CREBBP: variants seen among roughly 807,000 people sequenced by gnomAD.
The protein encoded by CREBBP is CREB binding lysine acetyltransferase.
A neutral mutation model predicts 265.0 loss-of-function variants in CREBBP; 19 were observed. The ratio of observed to expected loss-of-function variants is 0.07; its 90% CI spans 0.05 to 0.11. The LOEUF is 0.11. CREBBP is among the 10% of genes least tolerant of loss of function. The probability of loss-of-function intolerance (pLI) is 1.00; values close to 1 mark genes in which losing one functional copy is unlikely to be tolerated. For missense variants in CREBBP, 2,525 were observed against 3,219.0 expected, an observed-to-expected ratio of 0.78 and a Z score of 5.22; for synonymous variants, 1,457 against 1,223.7, an observed-to-expected ratio of 1.19 and a Z score of -3.98.
rs747407307 is a variant in CREBBP, at chr16:3,757,852, A to G, written c.3566T>C (p.Ile1189Thr). The G allele has an allele frequency of 1.2e-6, 2 of 1,614,160 alleles. No individual in the cohort carries two copies. Among genetic ancestry groups the G allele is most frequent in the Admixed American group, 3.3e-5 (2 of 60,024 alleles). Residue 1189 changes from isoleucine (I) to threonine (T), a missense_variant, in exon 18 of 31, where the codon ATT becomes ACT. Ile to Thr is a moderately conservative substitution (Grantham distance 89). Transcript: ENST00000262367. ...TCCAAGGGACTGCATGACAGGGTCAATTTCCTGCTCAAAGACCTCTGCAAG... is the reference window on the plus strand; with the variant it reads ...TCCAAGGGACTGCATGACAGGGTCAGTTTCCTGCTCAAAGACCTCTGCAAG... ...SKLAEVFEQE[I>T]DPVMQSLGYC...
intron 6 of CREBBP, 31 bp downstream of exon 6, chr16:3,782,653 T>A (rs778686071): frequency 4.3e-6 from 7 of 1,612,986 alleles, no homozygotes; most frequent in South Asian, 3.3e-5. Flanking sequence ...TGTGGACAAG[T>A]AAGAACGAAG....
intron 1 of CREBBP, among the ~76,000 whole-genome samples, chr16:3,853,852 G>C (rs574365460): frequency 4.1e-4 from 62 of 152,116 alleles, no homozygotes; most frequent in African/African-American, 1.4e-3. Flanking sequence ...CAGGAGAGTC[G>C]CTTGAACCTG....
chr16:3,747,908 T>A (rs13334719), intron 21 of CREBBP, among the ~76,000 whole-genome samples: 22,530 of 151,948 alleles, frequency 0.15, 2,377 homozygotes, highest in African/African-American at 0.29. Context: ...GCTAACATGG[T>A]GAAACCCCGT....
intron 1 of CREBBP, among the ~76,000 whole-genome samples, chr16:3,877,697 G>A (rs915365068): frequency 6.6e-6 from 1 of 152,226 alleles, no homozygotes; most frequent in Non-Finnish European, 1.5e-5. Context: ...GAGCCATGGC[G>A]CCCAGCAGCC....
rs1370704436 is a variant in CREBBP at position 3,729,270 on chromosome 16, C to G, written c.5777G>C (p.Arg1926Pro). ...MSPAGFPSVA[R>P]TQPPTTVSTG... ...GGACACCGTGGTGGGGGGCTGAGTC[C>G]GGGCCACGCTGGGGAAGCCAGCTGG... Residue 1926 changes from arginine (R) to proline (P), a missense_variant, in exon 31 of 31, where the codon CGG (arginine) becomes CCG (proline). By Grantham distance (103) the Arg-to-Pro change is moderately radical. Transcript: ENST00000262367. 6.5e-7 allele frequency: 1 copy of G among 1,529,500 alleles called. No individual in the cohort carries two copies. The highest frequency in any genetic ancestry group is 8.8e-7 in the Non-Finnish European group (1 of 1,142,628). 94.7% of individuals were successfully genotyped at this position (1,529,500 alleles called of 1,614,324 possible).
In CREBBP at chr16:3,799,889, A is replaced by C. The variant is rs552789111; in HGVS notation, c.976-6263T>G. ...ATAAGGCAGACCTTTATGCTTTAAC[A>C]AAAAGCTGTTTAAGTGACTACTATT... On this transcript the variant is annotated intron_variant, in intron 3 of 30. Coordinates refer to ENST00000262367, the MANE Select transcript of CREBBP (RefSeq NM_004380.3). Among the ~76,000 whole-genome samples the C allele has an allele frequency of 1.6e-4, 24 of 152,354 alleles. 1 individual carries two copies. The South Asian group carries it at 5.0e-3, about 32-fold the overall frequency.
At chr16:3,845,115 G>A (rs944408595) in intron 2 of CREBBP, among the ~76,000 whole-genome samples, 3 of 152,056 alleles carry the variant, frequency 2.0e-5, no homozygotes, top group African/African-American at 4.8e-5. Flanking sequence ...CTAACACAGT[G>A]GGGTTCTCAA....
chr16:3,766,897 ATTTCTAAGAGTAT>A (rs920233641), intron 16 of CREBBP, among the ~76,000 whole-genome samples: 5 of 152,000 alleles, frequency 3.3e-5, no homozygotes, highest in Non-Finnish European at 5.9e-5. Flanking sequence ...GGGGCCCTCA[ATTTCTAAGAGTAT>A]AAAGAGCCCT....
At chr16:3,814,066 T>C (rs1231021100) in intron 2 of CREBBP, among the ~76,000 whole-genome samples, 2 of 152,190 alleles carry the variant, frequency 1.3e-5, no homozygotes, top group Non-Finnish European at 2.9e-5. Context: ...TTTTGACAAT[T>C]TTCCTAAGAT....
intron 5 of CREBBP, chr16:3,791,229 G>A (rs2053500292): frequency 6.6e-6 from 1 of 152,658 alleles, no homozygotes; most frequent in Non-Finnish European, 1.5e-5. Flanking sequence ...AAAACGGGAG[G>A]GAGGTTCATC....
intron 2 of CREBBP, among the ~76,000 whole-genome samples, chr16:3,838,877 G>A (rs1286354023): frequency 1.3e-5 from 2 of 152,032 alleles, no homozygotes; most frequent in Admixed American, 6.6e-5. Context: ...AAATGTTTTC[G>A]GAAAACATTA....
At position 3,774,224 on chromosome 16, in the gene CREBBP, A is replaced by G. The variant is rs129999; in HGVS notation, c.2284-294T>C. 0.026 allele frequency among the ~76,000 whole-genome samples: 3,959 copies of G among 152,262 alleles called. 175 individuals carry two copies. The highest frequency in any genetic ancestry group is 0.09 in the African/African-American group (3,737 of 41,532). On this transcript the variant is annotated intron_variant, in intron 12 of 30. Transcript: ENST00000262367. ...TTTAAGACATGCCTATGAGTTCTCT[A>G]AAGTGTTTAGAAAGCAGCCTCGGAA...
intron 3 of CREBBP, among the ~76,000 whole-genome samples, chr16:3,806,151 T>C (rs941404596): frequency 3.9e-5 from 6 of 152,134 alleles, no homozygotes; most frequent in African/African-American, 1.4e-4. Context: ...GAGGGCATCC[T>C]AGCACATGGC....
chr16:3,760,651 G>A (rs1205850907), intron 16 of CREBBP, among the ~76,000 whole-genome samples: 3 of 151,980 alleles, frequency 2.0e-5, no homozygotes, highest in Admixed American at 6.6e-5. Context: ...TGATCTACCC[G>A]CCCTGGCCTT....
chr16:3,786,363 C>CA (rs1437933603), intron 5 of CREBBP, among the ~76,000 whole-genome samples: 2 of 151,880 alleles, frequency 1.3e-5, no homozygotes, highest in Non-Finnish European at 2.9e-5. Flanking sequence ...GACTCTGTCT[C>CA]AAAAAACAAA....
intron 3 of CREBBP, among the ~76,000 whole-genome samples, chr16:3,802,216 C>A (rs769110049): frequency 7.4e-6 from 1 of 135,614 alleles, no homozygotes. Context: ...ACTGCAACCT[C>A]TGCCTCCCAG....
chr16:3,777,898 C>T, intron 10 of CREBBP, 113 bp downstream of exon 10: 2 of 1,322,342 alleles, frequency 1.5e-6, no homozygotes, highest in Non-Finnish European at 1.1e-6. Flanking sequence ...TCAACAGCTT[C>T]TGCAGGGCAT....
chr16:3,740,412 C>T lies in CREBBP; in HGVS notation c.4120G>A (p.Gly1374Arg), dbSNP rs747582040. Residue 1374 changes from glycine to arginine, a missense_variant, in exon 24 of 31, where the codon GGG becomes AGG. This residue lies in a region of CREBBP where 252 missense variants were observed against 452.5 expected (regional missense o/e 0.56). Transcript: ENST00000262367. ...SSDKTVEVKP[G>R]MKSRFVDSGE... ...AGGCACACTGACCGTGACTTCATCCCGGGCTTGACCTCCACCGTCTTGTCT... is the reference window on the plus strand; with the variant it reads ...AGGCACACTGACCGTGACTTCATCCTGGGCTTGACCTCCACCGTCTTGTCT... 1.9e-6 allele frequency: 3 copies of T among 1,614,166 alleles called. No individual in the cohort carries two copies. The highest frequency in any genetic ancestry group is 1.7e-6 in the Non-Finnish European group (2 of 1,180,042).
chr16:3,858,967 C>T (rs559170620), intron 1 of CREBBP, among the ~76,000 whole-genome samples: 5 of 152,326 alleles, frequency 3.3e-5, no homozygotes, highest in African/African-American at 9.6e-5. Flanking sequence ...TACTTCTCTG[C>T]TTTCCCTCCC....
Sources: gnomAD v4.1 joint callset for allele counts (sites outside exome capture counted in the v4.1 genomes callset) on GRCh38, gnomAD v4.1.1 for gene constraint, gnomAD v4.1.1 regional missense constraint, MANE v1.5 for transcripts, NCBI Gene and HGNC (gene_info 2026-07-23, HGNC 2026-07-21) for gene names.